The following LIMK2 variants were observed in gnomAD, a reference collection of about 807,000 sequenced individuals.
LIMK2 encodes LIM domain kinase 2.
Under a neutral mutation model 75.7 loss-of-function variants are expected in LIMK2, and 35 were observed. The observed-to-expected ratio is 0.46, with a 90% CI of 0.35 to 0.61. The LOEUF is 0.61. Ranked by LOEUF, LIMK2 falls within the 20% of genes least tolerant of loss-of-function variation. The probability of loss-of-function intolerance (pLI) is 0.00; values close to 1 mark genes in which losing one functional copy is unlikely to be tolerated. For missense variants in LIMK2, 623 were observed against 831.0 expected, an observed-to-expected ratio of 0.75 and a Z score of 3.08; for synonymous variants, 301 against 319.2, an observed-to-expected ratio of 0.94 and a Z score of 0.61.
intron 7 of LIMK2, among the ~76,000 whole-genome samples, chr22:31,264,801 A>G (rs771020001): frequency 5.3e-5 from 8 of 151,542 alleles, no homozygotes; most frequent in Non-Finnish European, 1.2e-4. Flanking sequence ...GCTCACGCCT[A>G]TAATCCCAGC....
At chr22:31,239,654 C>T (rs1393811565) in intron 2 of LIMK2, among the ~76,000 whole-genome samples, 1 of 152,190 alleles carries the variant, frequency 6.6e-6, no homozygotes, top group East Asian at 1.9e-4. Context: ...CTTCATACCT[C>T]AGTTATATCC....
chr22:31,272,640 C>T lies in LIMK2; in HGVS notation c.1494C>T (p.Asn498=), dbSNP rs535765873. 6.8e-6 allele frequency: 11 copies of T among 1,613,848 alleles called. No homozygotes were observed. The highest frequency in any genetic ancestry group is 5.3e-5 in the African/African-American group (4 of 74,948). Residue 498 remains asparagine, a synonymous_variant, in exon 13 of 16, where the codon AAC becomes AAT. Coordinates refer to ENST00000331728, the MANE Select transcript of LIMK2 (RefSeq NM_005569.4). The part of the protein sequence containing the change: ...ATTKKRTLRK[N]DRKKRYTVVG... ...CCAAGAAACGCACCTTGCGCAAGAA[C>T]GACCGCAAGAAGCGCTACACGGTGG...
At chr22:31,226,254 G>A (rs574047479) in intron 2 of LIMK2, among the ~76,000 whole-genome samples, 293 of 151,478 alleles carry the variant, frequency 1.9e-3, no homozygotes, top group Non-Finnish European at 3.0e-3. Flanking sequence ...CCAGGCTGGA[G>A]TGCAGTGGTG....
At chr22:31,234,715 A>G (rs1601409431) in intron 2 of LIMK2, among the ~76,000 whole-genome samples, 1 of 120,606 alleles carries the variant, frequency 8.3e-6, no homozygotes, top group Non-Finnish European at 1.6e-5. Flanking sequence ...GTAAGACTCC[A>G]TCTCAAAAAA....
rs1601395091 is a variant in LIMK2 at position 31,217,383 on chromosome 22, C to T, written c.16+4959C>T. 5.3e-5 allele frequency among the ~76,000 whole-genome samples: 8 copies of T among 150,774 alleles called. No individual in the cohort carries two copies. The South Asian group carries it at 1.7e-3, about 32-fold the overall frequency. On this transcript the variant is annotated intron_variant, in intron 1 of 15. Transcript: ENST00000331728. ...CCGCACTCCAGCCTGGGTGACAGAG[C>T]GAGACTCCGTCTCAGAAAAAAAAAA...
chr22:31,235,702 A>G (rs765489832), intron 2 of LIMK2, among the ~76,000 whole-genome samples: 1 of 152,214 alleles, frequency 6.6e-6, no homozygotes, highest in East Asian at 1.9e-4. Context: ...TTAACTAAAG[A>G]TATATATTCA....
intron 14 of LIMK2, among the ~76,000 whole-genome samples, chr22:31,273,887 A>T (rs569602164): frequency 6.6e-6 from 1 of 151,848 alleles, no homozygotes; most frequent in Non-Finnish European, 1.5e-5. Context: ...TAGTAGAGAC[A>T]GGGTTTCACC....
intron 15 of LIMK2, chr22:31,277,385 A>C: frequency 1.5e-6 from 2 of 1,307,346 alleles, no homozygotes; most frequent in Non-Finnish European, 1.9e-6. Flanking sequence ...CCCTTTAATA[A>C]AGCGAGGTAG....
In LIMK2 at chr22:31,260,010, A is replaced by T. The variant is rs2048822604; in HGVS notation, c.484A>T (p.Arg162Trp). 5 of 1,610,822 alleles carry T rather than the reference A, an allele frequency of 3.1e-6. No individual in the cohort carries two copies. In the East Asian group the frequency reaches 1.1e-4, roughly 36 times the overall value. The part of the protein sequence containing the change: ...LISMPATTEG[R>W]RGFSVSVESA... ...CTCCATGCCGGCCACCACTGAAGGC[A>T]GGCGGGGCTTCTCCGTGTCCGTGGA... The change falls in exon 5 of 16, where the codon AGG (arginine) becomes TGG (tryptophan). Residue 162 changes from arginine to tryptophan, a missense_variant. Coordinates refer to ENST00000331728, the MANE Select transcript of LIMK2 (RefSeq NM_005569.4).
chr22:31,246,391 T>C (rs2048670648), intron 2 of LIMK2, among the ~76,000 whole-genome samples: 1 of 150,796 alleles, frequency 6.6e-6, no homozygotes, highest in African/African-American at 2.4e-5. Flanking sequence ...AAGAAAAAAA[T>C]CTTTCCATAA....
chr22:31,235,819 A>C (rs529579535), intron 2 of LIMK2, among the ~76,000 whole-genome samples: 6 of 152,310 alleles, frequency 3.9e-5, no homozygotes, highest in South Asian at 4.1e-4. Flanking sequence ...GAAGTTGGAA[A>C]TGAAGTTTGT....
At chr22:31,239,729 C>T (rs892148251) in intron 2 of LIMK2, among the ~76,000 whole-genome samples, 3 of 152,156 alleles carry the variant, frequency 2.0e-5, no homozygotes, top group East Asian at 3.8e-4. Context: ...AGTGTGGAGC[C>T]GTATCTAGTT....
intron 2 of LIMK2, among the ~76,000 whole-genome samples, chr22:31,237,112 T>G (rs2048583898): frequency 6.8e-6 from 1 of 148,032 alleles, no homozygotes; most frequent in Non-Finnish European, 1.5e-5. Context: ...ATACACAAAA[T>G]TAGCCAGGCA....
chr22:31,227,062 G>T (rs1029776699), intron 2 of LIMK2, among the ~76,000 whole-genome samples: 16 of 152,246 alleles, frequency 1.1e-4, no homozygotes, highest in African/African-American at 3.9e-4. Context: ...TATATGCAGT[G>T]TATCCAGTAC....
At chr22:31,223,626 C>T (rs991964387) in intron 1 of LIMK2, among the ~76,000 whole-genome samples, 1 of 152,196 alleles carries the variant, frequency 6.6e-6, no homozygotes, top group Non-Finnish European at 1.5e-5. Flanking sequence ...AAATCTCTCA[C>T]TAATTCATTG....
chr22:31,268,087 TG>T (rs2048914880), intron 10 of LIMK2, 56 bp from the exon 11 acceptor site: 4 of 1,576,992 alleles, frequency 2.5e-6, no homozygotes, highest in Non-Finnish European at 3.5e-6. Flanking sequence ...CCATGGGGCC[TG>T]GACCACGAGT....
At chr22:31,274,148 C>G (rs1357278155) in intron 14 of LIMK2, among the ~76,000 whole-genome samples, 2 of 151,794 alleles carry the variant, frequency 1.3e-5, no homozygotes, top group Admixed American at 6.6e-5. Context: ...AGCTCTTGGG[C>G]CAAATGTAGC....
chr22:31,259,252 T>C, intron 4 of LIMK2, 22 bp downstream of exon 4: 1 of 1,466,582 alleles, frequency 6.8e-7, no homozygotes, highest in Non-Finnish European at 9.6e-7. Context: ...GTCCTTTGTC[T>C]ATCCTCTCCC....
chr22:31,220,580 G>T (rs937165151), intron 1 of LIMK2, among the ~76,000 whole-genome samples: 2 of 152,198 alleles, frequency 1.3e-5, no homozygotes, highest in African/African-American at 4.8e-5. Context: ...GCAGTGAACT[G>T]TAATTAAATA....
Sources: allele counts gnomAD v4.1 joint callset (sites outside exome capture counted in the v4.1 genomes callset), GRCh38; gene constraint gnomAD v4.1.1; transcripts MANE v1.5; gene names NCBI Gene and HGNC (gene_info 2026-07-23, HGNC 2026-07-21).